The following EXT1 variants were observed in gnomAD, a reference collection of about 807,000 sequenced individuals.
The protein encoded by EXT1 is exostosin-1.
EXT1 carries 20 observed loss-of-function variants against 82.5 expected under a neutral mutation model. The observed-to-expected ratio is 0.24, with a 90% confidence interval of 0.17 to 0.35. EXT1 has a LOEUF of 0.35. Among genes scored for constraint, EXT1 ranks in the 10% least tolerant of loss-of-function variants. EXT1 has a pLI of 1.00. For synonymous variants in EXT1, 348 were observed against 350.8 expected (o/e 0.99, Z 0.09); for missense variants, 757 against 936.5 (o/e 0.81, Z 2.50).
chr8:117,885,494 C>CAAAAAAAAAA (rs11300586), intron 1 of EXT1, among the ~76,000 whole-genome samples: 1 of 103,418 alleles, frequency 9.7e-6, no homozygotes, highest in African/African-American at 3.7e-5. Context: ...AAGTAACAGA[C>CAAAAAAAAAA]AAAAAAAAAA....
chr8:117,852,937 G>A (rs1353295840), intron 1 of EXT1, among the ~76,000 whole-genome samples: 1 of 152,058 alleles, frequency 6.6e-6, no homozygotes, highest in African/African-American at 2.4e-5. Flanking sequence ...TAGTTCCAAG[G>A]AGAGACTCAT....
chr8:118,009,854 G>A (rs17476380), intron 1 of EXT1, among the ~76,000 whole-genome samples: 4 of 152,070 alleles, frequency 2.6e-5, no homozygotes, highest in South Asian at 2.1e-4. Flanking sequence ...CCACGAAACC[G>A]GTTCCTGGTG....
chr8:117,920,576 C>T (rs1353090956), intron 1 of EXT1, among the ~76,000 whole-genome samples: 1 of 152,138 alleles, frequency 6.6e-6, no homozygotes, highest in East Asian at 1.9e-4. Flanking sequence ...ATCATGCAAA[C>T]TCTCCTGGGA....
In EXT1 at chr8:118,110,519, G is replaced by C. The variant is rs767745537; in HGVS notation, c.528C>G (p.Ser176=). The change falls in exon 1 of 11, where the codon TCC becomes TCG. Residue 176 remains serine (S), a synonymous_variant. Transcript: ENST00000378204. ...TCCACAAGTGGAGACTCTGCACTTT[G>C]GATCTCAAATTGTGCACATACTGAG... ...LSPQYVHNLR[S]KVQSLHLWNN... 5 of 1,614,114 alleles carry C rather than the reference G, an allele frequency of 3.1e-6. No homozygotes were observed. In the East Asian group the frequency reaches 8.9e-5, roughly 29 times the overall value.
chr8:118,003,052 C>T (rs1373195997), intron 1 of EXT1, among the ~76,000 whole-genome samples: 1 of 151,918 alleles, frequency 6.6e-6, no homozygotes, highest in African/African-American at 2.4e-5. Flanking sequence ...CATATACACA[C>T]CATGGAATAC....
intron 8 of EXT1, among the ~76,000 whole-genome samples, chr8:117,811,674 T>A (rs943695549): frequency 6.6e-6 from 1 of 151,310 alleles, no homozygotes; most frequent in African/African-American, 2.4e-5. Flanking sequence ...TGGAGTGCAA[T>A]GGTACGATGT....
intron 7 of EXT1, among the ~76,000 whole-genome samples, chr8:117,817,119 A>G (rs1009056310): frequency 3.9e-5 from 6 of 152,096 alleles, no homozygotes. Flanking sequence ...TCTCTAACAA[A>G]CAGGTTGTTT....
chr8:117,973,346 A>C (rs17504939), intron 1 of EXT1, among the ~76,000 whole-genome samples: 5,450 of 152,202 alleles, frequency 0.036, 339 homozygotes, highest in African/African-American at 0.12. Flanking sequence ...TGTGGTTCTA[A>C]CCAGTGTTGT....
At chr8:117,848,889 C>A (rs766197509) in intron 1 of EXT1, among the ~76,000 whole-genome samples, 57 of 152,148 alleles carry the variant, frequency 3.7e-4, no homozygotes, top group Non-Finnish European at 6.5e-4. Flanking sequence ...AAATGTCACC[C>A]CCCCAGTCTG....
At chr8:118,060,692 C>T (rs182774797) in intron 1 of EXT1, among the ~76,000 whole-genome samples, 1 of 152,276 alleles carries the variant, frequency 6.6e-6, no homozygotes, top group East Asian at 1.9e-4. Flanking sequence ...TAGCACAGTT[C>T]TCCAGTTAAA....
chr8:117,888,321 T>G (rs4480147), intron 1 of EXT1, among the ~76,000 whole-genome samples: 141,860 of 151,870 alleles, frequency 0.93, 66,584 homozygotes, highest in Non-Finnish European at 0.98. Context: ...GATATAATAA[T>G]AGATTAAATA....
chr8:117,866,449 A>G (rs1434742848), intron 1 of EXT1, among the ~76,000 whole-genome samples: 1 of 152,146 alleles, frequency 6.6e-6, no homozygotes, highest in Non-Finnish European at 1.5e-5. Context: ...CTGGCTGCCC[A>G]GCCAGCCGAC....
chr8:117,861,928 G>A (rs1288508379), intron 1 of EXT1, among the ~76,000 whole-genome samples: 1 of 145,470 alleles, frequency 6.9e-6, no homozygotes. Context: ...AATGCACACA[G>A]GGGACAAACC....
intron 1 of EXT1, among the ~76,000 whole-genome samples, chr8:118,026,373 A>T (rs556140504): frequency 2.7e-4 from 41 of 152,320 alleles, no homozygotes; most frequent in African/African-American, 9.6e-4. Flanking sequence ...CTTGATAAAA[A>T]GGTAACAATC....
intron 1 of EXT1, among the ~76,000 whole-genome samples, chr8:117,946,511 T>A (rs1439696879): frequency 6.6e-6 from 1 of 151,980 alleles, no homozygotes; most frequent in Non-Finnish European, 1.5e-5. Context: ...AGAAGGAAGG[T>A]ACAGACAGAC....
chr8:117,911,126 G>C (rs1031047841), intron 1 of EXT1, among the ~76,000 whole-genome samples: 1 of 152,194 alleles, frequency 6.6e-6, no homozygotes, highest in African/African-American at 2.4e-5. Flanking sequence ...ACTTGCCTCA[G>C]GTGCCAGTGG....
At chr8:117,874,977 G>T (rs1812941672) in intron 1 of EXT1, among the ~76,000 whole-genome samples, 1 of 152,150 alleles carries the variant, frequency 6.6e-6, no homozygotes, top group Non-Finnish European at 1.5e-5. Flanking sequence ...ATTTTAAACT[G>T]CAGCTTGAAG....
intron 1 of EXT1, among the ~76,000 whole-genome samples, chr8:117,913,859 A>C (rs142018079): frequency 1.6e-3 from 243 of 152,322 alleles, no homozygotes; most frequent in Non-Finnish European, 2.9e-3. Flanking sequence ...GGAATTTAAG[A>C]CTCAGAGGTT....
rs144781604 is a variant in EXT1 at position 117,928,581 on chromosome 8, C to T, written c.963-91380G>A. 6.6e-4 allele frequency among the ~76,000 whole-genome samples: 100 copies of T among 152,202 alleles called. No individual in the cohort carries two copies. The East Asian group carries it at 0.017, about 26-fold the overall frequency. On this transcript the variant is annotated intron_variant, in intron 1 of 10. Transcript: ENST00000378204. The stretch of plus-strand genomic sequence containing the variant: ...CTAAACAGAGAATGCAAAATAATTA[C>T]GATGATGATAATCACAGCAATAACA...
Sources: allele counts gnomAD v4.1 joint callset (sites outside exome capture counted in the v4.1 genomes callset), GRCh38; gene constraint gnomAD v4.1.1; transcripts MANE v1.5; gene names NCBI Gene and HGNC (gene_info 2026-07-23, HGNC 2026-07-21).